The following EHD1 variants were observed in gnomAD, a reference collection of about 807,000 sequenced individuals.
EHD1 encodes the protein EH domain containing 1.
EHD1 carries 19 observed loss-of-function variants against 39.0 expected under a neutral mutation model. That is an observed-to-expected ratio of 0.49 (90% CI 0.34 to 0.72). EHD1 has a LOEUF of 0.72. Among genes scored for constraint, EHD1 ranks in the 30% least tolerant of loss-of-function variants. EHD1 has a pLI of 0.01. For missense variants in EHD1, 542 were observed against 751.5 expected (o/e 0.72, Z 3.26); for synonymous variants, 323 against 331.2 (o/e 0.98, Z 0.27).
intron 4 of EHD1, chr11:64,855,077 G>T: frequency 1.2e-6 from 1 of 818,032 alleles, no homozygotes; most frequent in Non-Finnish European, 1.9e-6. Flanking sequence ...CATGGACAGG[G>T]CACCAGAGCG....
At chr11:64,855,917 C>G (rs1461276154) in intron 3 of EHD1, 1 of 31,224 alleles carries the variant, frequency 3.2e-5, no homozygotes, top group African/African-American at 8.6e-5. Context: ...CACACACCCT[C>G]CGCTCAACCC....
intron 1 of EHD1, 64 bp downstream of exon 1, chr11:64,877,997 C>G: frequency 6.9e-7 from 1 of 1,444,588 alleles, no homozygotes; most frequent in Non-Finnish European, 9.1e-7. Flanking sequence ...ACGGGAGGGT[C>G]AGGCTCCGAG....
At chr11:64,876,278 G>A (rs1943884597) in intron 1 of EHD1, among the ~76,000 whole-genome samples, 1 of 152,218 alleles carries the variant, frequency 6.6e-6, no homozygotes, top group African/African-American at 2.4e-5. Flanking sequence ...TCAGCTGGGA[G>A]AGGCTGTATC....
At chr11:64,875,368 T>A (rs939746650) in intron 1 of EHD1, among the ~76,000 whole-genome samples, 18 of 152,154 alleles carry the variant, frequency 1.2e-4, no homozygotes, top group African/African-American at 4.3e-4. Flanking sequence ...CTGGCCAACA[T>A]GGTGAAACTC....
Position 64,854,629 on chromosome 11 carries a change from C to T in EHD1, c.1309G>A (p.Val437Met), listed in dbSNP as rs1943625942. The change falls in exon 5 of 5, where the codon GTG becomes ATG. Residue 437 changes from valine (V) to methionine (M), a missense_variant. Physicochemically the swap from Val to Met is conservative, Grantham distance 21. Coordinates refer to ENST00000320631, the MANE Select transcript of EHD1 (RefSeq NM_006795.4). ...TTGTCCTTGCCCACCACCCACTCCA[C>T]GTCGTCGATGCCCTCGCCGGCCCCC... Reference protein sequence around the residue: ...GEGAGEGIDDVEWVVGKDKPT... With the variant: ...GEGAGEGIDDMEWVVGKDKPT... 4 of 1,614,002 alleles carry T rather than the reference C, an allele frequency of 2.5e-6. No individual in the cohort carries two copies. The highest frequency in any genetic ancestry group is 2.2e-5 in the South Asian group (2 of 91,086).
chr11:64,854,112 A>C lies in EHD1; in HGVS notation c.*221T>G, dbSNP rs1299866689. 1 of 786,052 alleles carries C rather than the reference A, an allele frequency of 1.3e-6. No individual in the cohort carries two copies. The highest frequency in any genetic ancestry group is 2.0e-6 in the Non-Finnish European group (1 of 510,126). 48.7% of individuals were successfully genotyped at this position (786,052 alleles called of 1,614,324 possible). On this transcript the variant is annotated 3_prime_UTR_variant, in exon 5 of 5. Transcript: ENST00000320631. ...ACGCAGCCTCTAACGTTATATATTAAAATAGCCACAGTTCTTGTGCACACA... is the reference window on the plus strand; with the variant it reads ...ACGCAGCCTCTAACGTTATATATTACAATAGCCACAGTTCTTGTGCACACA...
At chr11:64,871,982 T>C (rs967565880) in intron 2 of EHD1, among the ~76,000 whole-genome samples, 1 of 152,226 alleles carries the variant, frequency 6.6e-6, no homozygotes, top group African/African-American at 2.4e-5. Flanking sequence ...ACTTTGGTGC[T>C]TGTCCCAGAG....
chr11:64,874,617 G>T, intron 1 of EHD1, 99 bp from the exon 2 acceptor site: 1 of 964,898 alleles, frequency 1.0e-6, no homozygotes, highest in Non-Finnish European at 1.4e-6. Flanking sequence ...TCCATCTCTG[G>T]CTTCCTCTCC....
At position 64,860,209 on chromosome 11, in the gene EHD1, A is replaced by G. The variant is rs757723688; in HGVS notation, c.630T>C (p.His210=). ...TCAGCACCACGCGGATCTTGTCCTCATGGTTCTTCAGAGCCTTGATCACTT... is the reference window on the plus strand; with the variant it reads ...TCAGCACCACGCGGATCTTGTCCTCGTGGTTCTTCAGAGCCTTGATCACTT... ...FSEVIKALKN[H]EDKIRVVLNK... The change falls in exon 3 of 5, where the codon CAT becomes CAC. Residue 210 remains histidine, a synonymous_variant. Transcript: ENST00000320631. The G allele has an allele frequency of 1.9e-6, 3 of 1,614,140 alleles. No individual in the cohort carries two copies. The highest frequency in any genetic ancestry group is 1.1e-5 in the South Asian group (1 of 91,090).
rs759533960 is a variant in EHD1 at position 64,878,277 on chromosome 11, A to G, written c.188T>C (p.Leu63Pro). Reference protein sequence around the residue: ...ADFDNKPMVLLVGQYSTGKTT... With the variant: ...ADFDNKPMVLPVGQYSTGKTT... ...CTTGCCCGTGCTGTACTGCCCCACG[A>G]GGAGCACCATAGGCTTGTTGTCGAA... The change falls in exon 1 of 5, where the codon CTC (leucine) becomes CCC (proline). Residue 63 changes from leucine (L) to proline (P), a missense_variant. Coordinates refer to ENST00000320631, the MANE Select transcript of EHD1 (RefSeq NM_006795.4). The G allele has an allele frequency of 1.2e-6, 2 of 1,614,038 alleles. No homozygotes were observed. Among genetic ancestry groups the G allele is most frequent in the African/African-American group, 1.3e-5 (1 of 74,920 alleles).
intron 2 of EHD1, among the ~76,000 whole-genome samples, chr11:64,866,433 C>T (rs1030185745): frequency 3.3e-5 from 5 of 152,144 alleles, no homozygotes; most frequent in South Asian, 2.1e-4. Flanking sequence ...TGGTGGCTCA[C>T]GCTTGTAATC....
intron 2 of EHD1, among the ~76,000 whole-genome samples, 166 bp from the exon 3 acceptor site, chr11:64,860,502 A>G (rs180739097): frequency 6.6e-5 from 10 of 152,334 alleles, no homozygotes; most frequent in African/African-American, 2.2e-4. Flanking sequence ...TGGGAGGCCA[A>G]GGTGGGAGGA....
At chr11:64,859,879 T>A (rs71581706) in intron 3 of EHD1, 45 bp downstream of exon 3, 18,874 of 1,570,798 alleles carry the variant, frequency 0.012, 150 homozygotes, top group Non-Finnish European at 0.015. Context: ...CAGAGCCCCA[T>A]GGCCCTGCCT....
upstream of EHD1, chr11:64,878,682 G>T: frequency 7.4e-7 from 1 of 1,344,120 alleles, no homozygotes; most frequent in Non-Finnish European, 9.5e-7. Flanking sequence ...GGCTAGCGCC[G>T]CCGCGGCGGG....
intron 1 of EHD1, chr11:64,877,843 G>A: frequency 2.3e-6 from 1 of 427,882 alleles, no homozygotes; most frequent in Non-Finnish European, 4.0e-6. Flanking sequence ...ATTCTGGGGA[G>A]GACAGAAGCT....
At chr11:64,879,081 AC>A, upstream of EHD1, 1 of 998,318 alleles carries the variant, frequency 1.0e-6, no homozygotes, top group Non-Finnish European at 1.2e-6. Context: ...GCATCGGAGT[AC>A]CCCCAGGCGG....
rs1380441842 is a variant in EHD1, at chr11:64,860,240, A to T, written c.599T>A (p.Phe200Tyr). Residue 200 changes from phenylalanine (F) to tyrosine (Y), a missense_variant, in exon 3 of 5, where the codon TTC becomes TAC. Physicochemically the swap from Phe to Tyr is conservative, Grantham distance 22. Coordinates refer to ENST00000320631, the MANE Select transcript of EHD1 (RefSeq NM_006795.4). ...DAHKLDISDE[F>Y]SEVIKALKNH... Reference sequence around the variant, plus strand: ...CTTCAGAGCCTTGATCACTTCCGAGAACTCATCGGAGATGTCCAGCTTGTG... The same window carrying T: ...CTTCAGAGCCTTGATCACTTCCGAGTACTCATCGGAGATGTCCAGCTTGTG... 2 of 1,613,910 alleles carry T rather than the reference A, an allele frequency of 1.2e-6. No individual in the cohort carries two copies. Among genetic ancestry groups the T allele is most frequent in the Admixed American group, 3.3e-5 (2 of 59,994 alleles).
chr11:64,855,103 C>A, intron 4 of EHD1: 1 of 883,800 alleles, frequency 1.1e-6, no homozygotes, highest in East Asian at 2.7e-5. Flanking sequence ...CATGGCCCTG[C>A]CCTCCCCCCA....
chr11:64,878,689 CG>C (rs1943919185), upstream of EHD1: 22 of 1,351,310 alleles, frequency 1.6e-5, no homozygotes, highest in Non-Finnish European at 2.1e-5. Context: ...GCCGCCGCGG[CG>C]GGGGCAGGGC....
Sources: allele counts gnomAD v4.1 joint callset (sites outside exome capture counted in the v4.1 genomes callset), GRCh38; gene constraint gnomAD v4.1.1; transcripts MANE v1.5; gene names NCBI Gene and HGNC (gene_info 2026-07-23, HGNC 2026-07-21).